Variants in CHST3 observed in about 807,000 individuals in gnomAD.
The protein encoded by CHST3 is carbohydrate sulfotransferase 3.
A neutral mutation model predicts 35.4 loss-of-function variants in CHST3; 20 were observed. That is an observed-to-expected ratio of 0.57 (90% confidence interval 0.40 to 0.82). The LOEUF (loss-of-function observed/expected upper bound fraction) is 0.82. Among genes scored for constraint, CHST3 ranks in the 40% least tolerant of loss-of-function variants. CHST3 has a pLI of 0.00. For missense variants in CHST3, 693 were observed against 670.1 expected, an observed-to-expected ratio of 1.03 and a Z score of -0.38; for synonymous variants, 334 against 295.9, an observed-to-expected ratio of 1.13 and a Z score of -1.32.
intron 1 of CHST3, among the ~76,000 whole-genome samples, chr10:71,972,275 G>A (rs371396174): frequency 1.3e-5 from 2 of 152,070 alleles, no homozygotes; most frequent in African/African-American, 4.8e-5. Context: ...CTGTGCGTGC[G>A]TCTGTCCCGT....
Position 72,005,915 on chromosome 10 carries a change from G to T in CHST3, c.73G>T (p.Ala25Ser). 6.2e-7 allele frequency: 1 copy of T among 1,614,164 alleles called. No individual in the cohort carries two copies. The highest frequency in any genetic ancestry group is 8.5e-7 in the Non-Finnish European group (1 of 1,180,026). The stretch of plus-strand genomic sequence containing the variant: ...CAGCCTGAAGATGAGAAGCAAATAC[G>T]CCCTTTTCTTGGTTTTTGTGGTGAT... The part of the protein sequence containing the change: ...VHSLKMRSKY[A>S]LFLVFVVIVF... The change falls in exon 2 of 3, where the codon GCC becomes TCC. Residue 25 changes from alanine to serine, a missense_variant. Coordinates refer to ENST00000373115, the MANE Select transcript of CHST3 (RefSeq NM_004273.5).
At chr10:71,992,666 T>C (rs1839907359) in intron 1 of CHST3, among the ~76,000 whole-genome samples, 1 of 150,780 alleles carries the variant, frequency 6.6e-6, no homozygotes, top group Admixed American at 6.6e-5. Context: ...TTCTTTTTTT[T>C]TTTTTTTTTT....
At chr10:71,978,185 A>C (rs1450916138) in intron 1 of CHST3, among the ~76,000 whole-genome samples, 2 of 152,142 alleles carry the variant, frequency 1.3e-5, no homozygotes, top group Admixed American at 1.3e-4. Context: ...GTTTGAGACC[A>C]GCCTGACCAA....
chr10:72,011,879 T>A lies in CHST3; in HGVS notation c.*3408T>A, dbSNP rs1234766576. The A allele has an allele frequency of 6.6e-6, 1 of 151,968 alleles. No individual in the cohort carries two copies. Among genetic ancestry groups the A allele is most frequent in the Non-Finnish European group, 1.5e-5 (1 of 68,024 alleles). 9.4% of individuals were successfully genotyped at this position (151,968 alleles called of 1,614,324 possible). On this transcript the variant is annotated 3_prime_UTR_variant, in exon 3 of 3. Transcript: ENST00000373115. Reference sequence around the variant, plus strand: ...GGCCCTGGAGGGTCCTTGGGAGTAGTTAGTGGAGGGCAGGATTCTCAGGTC... The same window carrying A: ...GGCCCTGGAGGGTCCTTGGGAGTAGATAGTGGAGGGCAGGATTCTCAGGTC...
intron 1 of CHST3, among the ~76,000 whole-genome samples, chr10:71,986,914 T>C (rs1373769414): frequency 2.0e-5 from 3 of 152,176 alleles, no homozygotes; most frequent in Admixed American, 6.5e-5. Context: ...TCACACAGCT[T>C]CCTTGATGCT....
chr10:71,971,835 G>A (rs868210309), intron 1 of CHST3, among the ~76,000 whole-genome samples: 5 of 152,166 alleles, frequency 3.3e-5, no homozygotes, highest in African/African-American at 1.2e-4. Context: ...GGTTTGATGT[G>A]TCTGAAGAGG....
intron 1 of CHST3, among the ~76,000 whole-genome samples, chr10:71,991,419 T>C (rs1001547403): frequency 1.8e-4 from 27 of 152,188 alleles, no homozygotes; most frequent in African/African-American, 5.8e-4. Context: ...GAAATATTCA[T>C]AGGGGATTAT....
Position 72,004,802 on chromosome 10 carries a change from C to T in CHST3, c.-107-934C>T, listed in dbSNP as rs190545532. ...CCCCACCTTCCCACCCCAGGAGACA[C>T]TTAGCAATGTCTGGAGATATTTGAT... On this transcript the variant is annotated intron_variant, in intron 1 of 2. Transcript: ENST00000373115. Among the ~76,000 whole-genome samples, 100 of 152,300 alleles carry T rather than the reference C, an allele frequency of 6.6e-4. No homozygotes were observed. In the Middle Eastern group the frequency reaches 0.014, roughly 21 times the overall value.
At chr10:72,001,257 A>G (rs751450) in intron 1 of CHST3, among the ~76,000 whole-genome samples, 99,831 of 151,994 alleles carry the variant, frequency 0.66, 34,206 homozygotes, top group African/African-American at 0.87. Context: ...TGCTGTCAAT[A>G]TGCAGAGTGC....
chr10:72,002,105 C>T (rs1839998176), intron 1 of CHST3, among the ~76,000 whole-genome samples: 1 of 152,128 alleles, frequency 6.6e-6, no homozygotes, highest in Admixed American at 6.6e-5. Flanking sequence ...CACCTGCCTG[C>T]CCACCTGCCT....
At chr10:71,967,707 G>A (rs1031082393) in intron 1 of CHST3, among the ~76,000 whole-genome samples, 13 of 152,166 alleles carry the variant, frequency 8.5e-5, no homozygotes, top group Middle Eastern at 3.2e-3. Flanking sequence ...GGATTGCTTG[G>A]TAGAATGGTA....
In CHST3 at chr10:72,008,817, C is replaced by T. The variant is rs76094341; in HGVS notation, c.*346C>T. The stretch of plus-strand genomic sequence containing the variant: ...GGCCAGAGTCCAAATATTTAACAAT[C>T]AGAAGGGGCAAGGCTCTGACCAGTG... On this transcript the variant is annotated 3_prime_UTR_variant, in exon 3 of 3. Transcript: ENST00000373115. 2,082 of 210,534 alleles carry T rather than the reference C, an allele frequency of 9.9e-3. 14 individuals are homozygous for T. Among genetic ancestry groups the T allele is most frequent in the Middle Eastern group, 0.031 (18 of 574 alleles). 13.0% of individuals were successfully genotyped at this position (210,534 alleles called of 1,614,324 possible).
intron 1 of CHST3, among the ~76,000 whole-genome samples, chr10:71,985,113 C>T (rs1161343079): frequency 6.6e-6 from 1 of 152,272 alleles, no homozygotes; most frequent in African/African-American, 2.4e-5. Context: ...CCAAGCCTCC[C>T]AGCCAGAGTG....
intron 1 of CHST3, among the ~76,000 whole-genome samples, chr10:71,970,462 T>C (rs1010296359): frequency 1.2e-4 from 18 of 152,326 alleles, no homozygotes; most frequent in African/African-American, 4.3e-4. Flanking sequence ...GATGTTCTTA[T>C]TTGGCCTCTG....
chr10:71,970,296 T>C (rs978726862), intron 1 of CHST3, among the ~76,000 whole-genome samples: 7 of 152,172 alleles, frequency 4.6e-5, no homozygotes, highest in Admixed American at 1.3e-4. Context: ...GCTGAGGGAC[T>C]GTGGCTTCCC....
In CHST3 at chr10:72,010,916, T is replaced by G. The variant is rs1222186738; in HGVS notation, c.*2445T>G. The G allele has an allele frequency of 1.3e-5, 2 of 152,264 alleles. No individual in the cohort carries two copies. Among genetic ancestry groups the G allele is most frequent in the East Asian group, 3.9e-4 (2 of 5,188 alleles). The allele number at this position is 152,264 out of a possible 1,614,324, so 9.4% of individuals were successfully genotyped here. A position where few individuals can be genotyped will look rare whatever the true frequency, so the allele number is the denominator to read the frequency against. On this transcript the variant is annotated 3_prime_UTR_variant, in exon 3 of 3. Transcript: ENST00000373115. ...AGTAGACTTTATCCCTCCTTCTTAC[T>G]CTGGGCCAAGACCTCCCACTCCGCC... is the stretch of plus-strand genomic sequence containing the variant.
At chr10:71,978,858 A>C (rs1411535378) in intron 1 of CHST3, among the ~76,000 whole-genome samples, 5 of 152,208 alleles carry the variant, frequency 3.3e-5, no homozygotes, top group African/African-American at 1.2e-4. Context: ...CTGTGGGCCA[A>C]GAGCAGGAGT....
intron 1 of CHST3, among the ~76,000 whole-genome samples, chr10:71,968,277 A>G (rs1589495112): frequency 6.6e-6 from 1 of 152,212 alleles, no homozygotes; most frequent in African/African-American, 2.4e-5. Context: ...TGTTGGACAC[A>G]TGTATGTCTT....
At chr10:72,004,607 C>A (rs892767106) in intron 1 of CHST3, among the ~76,000 whole-genome samples, 2 of 152,216 alleles carry the variant, frequency 1.3e-5, no homozygotes, top group African/African-American at 4.8e-5. Context: ...ACTCCACCTT[C>A]TCTCTCCACC....
Sources: allele counts gnomAD v4.1 joint callset (sites outside exome capture counted in the v4.1 genomes callset), GRCh38; gene constraint gnomAD v4.1.1; transcripts MANE v1.5; gene names NCBI Gene and HGNC (gene_info 2026-07-23, HGNC 2026-07-21).